ANAPC16: variants seen among roughly 807,000 people sequenced by gnomAD.
The protein encoded by ANAPC16 is anaphase-promoting complex subunit 16.
In ANAPC16, 6 loss-of-function variants were observed where a neutral mutation model predicts 13.1. The observed-to-expected ratio is 0.46, with a 90% CI of 0.25 to 0.90. The LOEUF (loss-of-function observed/expected upper bound fraction) is 0.90. ANAPC16 is among the 40% of genes least tolerant of loss of function. The pLI, the probability that ANAPC16 is intolerant of heterozygous loss-of-function variation, is 0.18. For missense variants in ANAPC16, 113 were observed against 131.1 expected, an observed-to-expected ratio of 0.86 and a Z score of 0.67; for synonymous variants, 55 against 51.3, an observed-to-expected ratio of 1.07 and a Z score of -0.31.
chr10:72,216,342 G>A (rs567128943), intron 1 of ANAPC16: 8 of 173,184 alleles, frequency 4.6e-5, no homozygotes, highest in Admixed American at 1.1e-4. Context: ...TGCGCAGTGG[G>A]ACAGCGCCGA....
chr10:72,216,204 T>C (rs757902333), intron 1 of ANAPC16, 66 bp downstream of exon 1: 4 of 155,134 alleles, frequency 2.6e-5, no homozygotes, highest in Non-Finnish European at 4.3e-5. Flanking sequence ...CCCAGGATCC[T>C]ACCTGCAGGG....
rs1589719654 is a variant in ANAPC16, at chr10:72,233,236, TG to T, written c.*121del. On this transcript the variant is annotated 3_prime_UTR_variant, in exon 4 of 4. Coordinates refer to ENST00000299381, the MANE Select transcript of ANAPC16 (RefSeq NM_173473.4). ...CGTCACTGAATTGTTAATGCACATT[TG>T]TACTTGGTTTCTCTGTATCTATTCA... 1 of 685,904 alleles carries T rather than the reference TG, an allele frequency of 1.5e-6. No individual in the cohort carries two copies. Among genetic ancestry groups the T allele is most frequent in the African/African-American group, 1.8e-5 (1 of 56,018 alleles). 42.5% of individuals were successfully genotyped at this position (685,904 alleles called of 1,614,324 possible). A position where few individuals can be genotyped will look rare whatever the true frequency, so the allele number is the denominator to read the frequency against.
intron 2 of ANAPC16, among the ~76,000 whole-genome samples, chr10:72,229,760 A>G (rs991696158): frequency 6.6e-6 from 1 of 152,186 alleles, no homozygotes; most frequent in Non-Finnish European, 1.5e-5. Flanking sequence ...CACCAGTACA[A>G]TTCTAGGTTC....
At chr10:72,230,728 C>T (rs973959995) in intron 3 of ANAPC16, among the ~76,000 whole-genome samples, 6 of 152,038 alleles carry the variant, frequency 3.9e-5, no homozygotes, top group African/African-American at 1.4e-4. Flanking sequence ...AACTGCATCT[C>T]TACAAAGAAA....
At chr10:72,217,423 C>T (rs1859546323) in intron 1 of ANAPC16, among the ~76,000 whole-genome samples, 1 of 149,094 alleles carries the variant, frequency 6.7e-6, no homozygotes, top group Admixed American at 6.7e-5. Context: ...TGCAGTGAGC[C>T]GAGATCGCGC....
rs983159017 is a variant in ANAPC16 at position 72,234,388 on chromosome 10, C to T, written c.*1272C>T. 1.3e-5 allele frequency: 2 copies of T among 152,134 alleles called. No homozygotes were observed. Among genetic ancestry groups the T allele is most frequent in the Non-Finnish European group, 2.9e-5 (2 of 68,118 alleles). 9.4% of individuals were successfully genotyped at this position (152,134 alleles called of 1,614,324 possible). ...CCTGGCCTCAAGAGATCCCCCCAACCTTGGCCTCCAAAGTGCTGGGATTAC... is the reference window on the plus strand; with the variant it reads ...CCTGGCCTCAAGAGATCCCCCCAACTTTGGCCTCCAAAGTGCTGGGATTAC... On this transcript the variant is annotated 3_prime_UTR_variant, in exon 4 of 4. Coordinates refer to ENST00000299381, the MANE Select transcript of ANAPC16 (RefSeq NM_173473.4).
In ANAPC16 at chr10:72,223,870, G is replaced by A; in HGVS notation, c.-27-18G>A. The A allele has an allele frequency of 6.7e-7, 1 of 1,486,094 alleles. No homozygotes were observed. The highest frequency in any genetic ancestry group is 9.1e-7 in the Non-Finnish European group (1 of 1,102,538). The allele number at this position is 1,486,094 out of a possible 1,614,324, so 92.1% of individuals were successfully genotyped here. A position where few individuals can be genotyped will look rare whatever the true frequency, so the allele number is the denominator to read the frequency against. On this transcript the variant is annotated intron_variant, in intron 1 of 3. Transcript: ENST00000299381. ...CACTTCCATAAACTTGCCAATTGCT[G>A]TTTTTCTTTCTCTGTAGTGAAGTAA...
chr10:72,223,228 A>G (rs963431067), intron 1 of ANAPC16: 5 of 151,170 alleles, frequency 3.3e-5, no homozygotes, highest in African/African-American at 4.9e-5. Context: ...ACGCCCTGCT[A>G]AATTTTTTTG....
chr10:72,223,743 TA>T, intron 1 of ANAPC16, 144 bp from the exon 2 acceptor site: 1 of 575,842 alleles, frequency 1.7e-6, no homozygotes, highest in Non-Finnish European at 2.8e-6. Flanking sequence ...GAGACATCAA[TA>T]AAATATTGTG....
At chr10:72,217,350 C>A (rs1486569121) in intron 1 of ANAPC16, among the ~76,000 whole-genome samples, 1 of 151,920 alleles carries the variant, frequency 6.6e-6, no homozygotes, top group Non-Finnish European at 1.5e-5. Context: ...TGGCGGGCGC[C>A]TGTAGTCCCA....
intron 2 of ANAPC16, among the ~76,000 whole-genome samples, chr10:72,229,244 T>G (rs1209670620): frequency 1.3e-5 from 2 of 150,022 alleles, no homozygotes; most frequent in South Asian, 2.1e-4. Flanking sequence ...TTTTTTTTTT[T>G]GATCACTTTG....
At chr10:72,224,488 C>CTGT (rs1860054747) in intron 2 of ANAPC16, among the ~76,000 whole-genome samples, 1 of 151,958 alleles carries the variant, frequency 6.6e-6, no homozygotes, top group African/African-American at 2.4e-5. Context: ...TGGTAGGCGC[C>CTGT]TGTAATCCCG....
Position 72,225,285 on chromosome 10 carries a change from A to T in ANAPC16, c.142+1229A>T, listed in dbSNP as rs1860085058. The stretch of plus-strand genomic sequence containing the variant: ...GTGACAGAGCAAGACTCTGTCTCAA[A>T]AATATATATAAATAAATAAATAAAA... On this transcript the variant is annotated intron_variant, in intron 2 of 3. Transcript: ENST00000299381. 5.3e-5 allele frequency among the ~76,000 whole-genome samples: 8 copies of T among 152,046 alleles called. 1 individual carries two copies. In the South Asian group the frequency reaches 1.7e-3, roughly 32 times the overall value.
intron 1 of ANAPC16, among the ~76,000 whole-genome samples, chr10:72,222,812 A>G (rs1016900347): frequency 2.6e-5 from 4 of 152,232 alleles, no homozygotes; most frequent in African/African-American, 4.8e-5. Context: ...AAAATACCAT[A>G]TACACTTTTT....
chr10:72,228,028 TTA>T (rs201901610), intron 2 of ANAPC16, among the ~76,000 whole-genome samples: 70 of 127,968 alleles, frequency 5.5e-4, no homozygotes, highest in African/African-American at 2.9e-3. Flanking sequence ...GAGACTTGGT[TTA>T]AAAAAAAAAA....
At chr10:72,231,962 G>A (rs1438272752) in intron 3 of ANAPC16, among the ~76,000 whole-genome samples, 5 of 151,564 alleles carry the variant, frequency 3.3e-5, no homozygotes, top group Non-Finnish European at 4.4e-5. Context: ...TGACACGGGC[G>A]GATCACCTGA....
At chr10:72,217,938 A>G (rs3206257) in intron 1 of ANAPC16, among the ~76,000 whole-genome samples, 61,121 of 150,810 alleles carry the variant, frequency 0.41, 13,674 homozygotes, top group Non-Finnish European at 0.52. Flanking sequence ...GTATAATGCA[A>G]ATATCCCAAA....
intron 1 of ANAPC16, among the ~76,000 whole-genome samples, chr10:72,218,166 ATATATAT>A (rs1194724213): frequency 8.9e-4 from 18 of 20,338 alleles, no homozygotes; most frequent in African/African-American, 3.5e-3. Flanking sequence ...AAAAAAAAAA[ATATATAT>A]ATATATATAT....
intron 3 of ANAPC16, 129 bp downstream of exon 3, chr10:72,230,569 G>C (rs1180728819): frequency 4.0e-6 from 3 of 749,958 alleles, no homozygotes; most frequent in East Asian, 5.4e-5. Flanking sequence ...GAACATTCTA[G>C]GTCTTAATCT....
Sources: allele counts gnomAD v4.1 joint callset (sites outside exome capture counted in the v4.1 genomes callset), GRCh38; gene constraint gnomAD v4.1.1; transcripts MANE v1.5; gene names NCBI Gene and HGNC (gene_info 2026-07-23, HGNC 2026-07-21).